The following HEBP2 variants were observed in gnomAD, a reference collection of about 807,000 sequenced individuals.
HEBP2 encodes heme binding protein 2, also known as heme-binding protein 2.
Under a neutral mutation model 23.1 loss-of-function variants are expected in HEBP2, and 27 were observed. The ratio of observed to expected loss-of-function variants is 1.17; its 90% CI spans 0.86 to 1.61. The LOEUF (loss-of-function observed/expected upper bound fraction) is 1.61, where lower values mean the gene tolerates loss of function less well. Among genes scored for constraint, HEBP2 ranks in the 40% most tolerant of loss-of-function variants. The pLI, the probability that HEBP2 is intolerant of heterozygous loss-of-function variation, is 0.00. For synonymous variants in HEBP2, 99 were observed against 95.1 expected (o/e 1.04, Z -0.24); for missense variants, 245 against 253.8 (o/e 0.97, Z 0.24).
At chr6:138,404,813 G>T (rs560437980) in intron 1 of HEBP2, among the ~76,000 whole-genome samples, 86 of 152,296 alleles carry the variant, frequency 5.6e-4, no homozygotes, top group Non-Finnish European at 9.9e-4. Context: ...GTCTTTGCGG[G>T]GTGGTGGGGC....
At position 138,417,930 on chromosome 6, in the gene HEBP2, C is replaced by T. The variant is rs928890575; in HGVS notation, c.*4852C>T. The T allele has an allele frequency of 6.6e-6, 1 of 152,146 alleles. No individual in the cohort carries two copies. Among genetic ancestry groups the T allele is most frequent in the African/African-American group, 2.4e-5 (1 of 41,420 alleles). The allele number at this position is 152,146 out of a possible 1,614,324, so 9.4% of individuals were successfully genotyped here. On this transcript the variant is annotated 3_prime_UTR_variant, in exon 4 of 4. Coordinates refer to ENST00000607197, the MANE Select transcript of HEBP2 (RefSeq NM_014320.3). ...GGTGGAGTCCTCCAACAGGTGTTGC[C>T]TTAGTACTGAGGTCAAATTGTCCCT...
At position 138,419,367 on chromosome 6, in the gene HEBP2, C is replaced by A. The variant is rs1383369897; in HGVS notation, c.*6289C>A. ...TAGAAGCACCAGCAGTTTATTCACA[C>A]AAGGACAGACTTCCTATTCTAGGTA... On this transcript the variant is annotated 3_prime_UTR_variant, in exon 4 of 4. Transcript: ENST00000607197. 2 of 152,250 alleles carry A rather than the reference C, an allele frequency of 1.3e-5. No individual in the cohort carries two copies. The highest frequency in any genetic ancestry group is 2.9e-5 in the Non-Finnish European group (2 of 68,052). The allele number at this position is 152,250 out of a possible 1,614,324, so 9.4% of individuals were successfully genotyped here. A position where few individuals can be genotyped will look rare whatever the true frequency, so the allele number is the denominator to read the frequency against.
rs985634745 is a variant in HEBP2, at chr6:138,419,399, T to G, written c.*6321T>G. On this transcript the variant is annotated 3_prime_UTR_variant, in exon 4 of 4. Coordinates refer to ENST00000607197, the MANE Select transcript of HEBP2 (RefSeq NM_014320.3). ...AGACTTCCTATTCTAGGTATGTGGT[T>G]CCTTTCGGGCCTACAGGGTCCTGAA... The G allele has an allele frequency of 1.3e-5, 2 of 152,232 alleles. No homozygotes were observed. Among genetic ancestry groups the G allele is most frequent in the African/African-American group, 4.8e-5 (2 of 41,470 alleles). The allele number at this position is 152,232 out of a possible 1,614,324, so 9.4% of individuals were successfully genotyped here.
At chr6:138,412,671 C>G (rs1360535727) in intron 3 of HEBP2, among the ~76,000 whole-genome samples, 1 of 152,182 alleles carries the variant, frequency 6.6e-6, no homozygotes, top group Non-Finnish European at 1.5e-5. Flanking sequence ...CCAGGCTGGT[C>G]TTGAACTCCT....
chr6:138,404,204 G>A (rs1774588421), upstream of HEBP2: 1 of 291,844 alleles, frequency 3.4e-6, no homozygotes, highest in Non-Finnish European at 6.3e-6. Flanking sequence ...AAGAAGGCGG[G>A]CCGAAGCGAG....
At chr6:138,403,635 C>G (rs755126980), upstream of HEBP2, 12 of 433,784 alleles carry the variant, frequency 2.8e-5, no homozygotes, top group Non-Finnish European at 4.9e-5. Context: ...CGGAGTCGGC[C>G]TGGCCGGCGG....
In HEBP2 at chr6:138,413,229, G is replaced by A. The variant is rs1774783049; in HGVS notation, c.*151G>A. 4 of 632,986 alleles carry A rather than the reference G, an allele frequency of 6.3e-6. No homozygotes were observed. The highest frequency in any genetic ancestry group is 1.1e-5 in the Non-Finnish European group (4 of 362,960). The allele number at this position is 632,986 out of a possible 1,614,324, so 39.2% of individuals were successfully genotyped here. A position where few individuals can be genotyped will look rare whatever the true frequency, so the allele number is the denominator to read the frequency against. ...TTTCCAATGTGCCTTTTTAATGCTTGAAGTTTTATCTACATACACAGGTAA... is the reference window on the plus strand; with the variant it reads ...TTTCCAATGTGCCTTTTTAATGCTTAAAGTTTTATCTACATACACAGGTAA... On this transcript the variant is annotated 3_prime_UTR_variant, in exon 4 of 4. Transcript: ENST00000607197.
chr6:138,412,991 A>G lies in HEBP2; in HGVS notation c.531A>G (p.Ala177=), dbSNP rs1043820431. The change falls in exon 4 of 4, where the codon GCA becomes GCG. Residue 177 remains alanine, a synonymous_variant. Transcript: ENST00000607197. ...KVFDEKVYYT[A]GYNSPVKLLN... ...TCGATGAGAAGGTTTACTACACTGC[A>G]GGCTACAACAGTCCTGTCAAATTGC... 1.9e-6 allele frequency: 3 copies of G among 1,614,052 alleles called. No homozygotes were observed. Among genetic ancestry groups the G allele is most frequent in the South Asian group, 1.1e-5 (1 of 91,082 alleles).
In HEBP2 at chr6:138,404,386, T is replaced by C; in HGVS notation, c.-110T>C. ...CCCGGCCGGGAGGAGGGACCGGGTC[T>C]GCGGAGCGGGGACTCGGGGCCTCGG... On this transcript the variant is annotated 5_prime_UTR_variant, in exon 1 of 4. Transcript: ENST00000607197. The C allele has an allele frequency of 1.5e-6, 1 of 666,250 alleles. No homozygotes were observed. Among genetic ancestry groups the C allele is most frequent in the Non-Finnish European group, 2.1e-6 (1 of 483,216 alleles). The allele number at this position is 666,250 out of a possible 1,614,324, so 41.3% of individuals were successfully genotyped here. A position where few individuals can be genotyped will look rare whatever the true frequency, so the allele number is the denominator to read the frequency against.
Position 138,420,387 on chromosome 6 carries a change from G to A in HEBP2, c.*7309G>A, listed in dbSNP as rs2128183632. On this transcript the variant is annotated 3_prime_UTR_variant, in exon 4 of 4. Transcript: ENST00000607197. Reference sequence around the variant, plus strand: ...GCCCTGAAACAGTCACTCTCTGCGTGTTTTTGGGAAAATGGATCCACATAG... The same window carrying A: ...GCCCTGAAACAGTCACTCTCTGCGTATTTTTGGGAAAATGGATCCACATAG... The A allele has an allele frequency of 6.6e-6, 1 of 152,306 alleles. No homozygotes were observed. The highest frequency in any genetic ancestry group is 2.1e-4 in the South Asian group (1 of 4,824). The allele number at this position is 152,306 out of a possible 1,614,324, so 9.4% of individuals were successfully genotyped here.
In HEBP2 at chr6:138,404,524, G is replaced by T. The variant is rs1774600911; in HGVS notation, c.29G>T (p.Gly10Val). The T allele has an allele frequency of 7.6e-7, 1 of 1,315,298 alleles. No homozygotes were observed. The highest frequency in any genetic ancestry group is 2.9e-4 in the Middle Eastern group (1 of 3,486). The allele number at this position is 1,315,298 out of a possible 1,614,324, so 81.5% of individuals were successfully genotyped here. A position where few individuals can be genotyped will look rare whatever the true frequency, so the allele number is the denominator to read the frequency against. ...GCCGAGCCGCTCCAGCCAGACCCCGGGGCGGCCGAGGACGCGGCGGCCCAA... is the reference window on the plus strand; with the variant it reads ...GCCGAGCCGCTCCAGCCAGACCCCGTGGCGGCCGAGGACGCGGCGGCCCAA... Reference protein sequence around the residue: MAEPLQPDPGAAEDAAAQAV... With the variant: MAEPLQPDPVAAEDAAAQAV... Residue 10 changes from glycine to valine, a missense_variant, in exon 1 of 4, where the codon GGG (glycine) becomes GTG (valine). By Grantham distance (109) the Gly-to-Val change is moderately radical. Coordinates refer to ENST00000607197, the MANE Select transcript of HEBP2 (RefSeq NM_014320.3).
At position 138,419,836 on chromosome 6, in the gene HEBP2, C is replaced by G. The variant is rs1182306226; in HGVS notation, c.*6758C>G. 6.6e-6 allele frequency: 1 copy of G among 152,194 alleles called. No homozygotes were observed. The highest frequency in any genetic ancestry group is 2.4e-5 in the African/African-American group (1 of 41,444). The allele number at this position is 152,194 out of a possible 1,614,324, so 9.4% of individuals were successfully genotyped here. On this transcript the variant is annotated 3_prime_UTR_variant, in exon 4 of 4. Coordinates refer to ENST00000607197, the MANE Select transcript of HEBP2 (RefSeq NM_014320.3). Reference sequence around the variant, plus strand: ...CTCCAGGTTCTACAGCATCAGAAGTCCTAGTTCTCAGAGACTGTATACCTT... The same window carrying G: ...CTCCAGGTTCTACAGCATCAGAAGTGCTAGTTCTCAGAGACTGTATACCTT...
At chr6:138,403,968 G>A (rs538088283), upstream of HEBP2, among the ~76,000 whole-genome samples, 74 of 152,178 alleles carry the variant, frequency 4.9e-4, no homozygotes, top group Middle Eastern at 6.8e-3. Context: ...GGCAGGGGCC[G>A]CGGGGGTCGG....
At chr6:138,412,748 C>T (rs1774769090) in intron 3 of HEBP2, 132 bp from the exon 4 acceptor site, 1 of 748,814 alleles carries the variant, frequency 1.3e-6, no homozygotes. Context: ...GCCACCTCGC[C>T]TGGCCGAGAG....
intron 3 of HEBP2, among the ~76,000 whole-genome samples, chr6:138,410,414 C>T (rs1774724238): frequency 6.6e-6 from 1 of 151,232 alleles, no homozygotes; most frequent in South Asian, 2.1e-4. Context: ...TTAGGCAGAA[C>T]ATGCTAAGCA....
chr6:138,411,280 T>C (rs1432088814), intron 3 of HEBP2, among the ~76,000 whole-genome samples: 1 of 152,238 alleles, frequency 6.6e-6, no homozygotes. Flanking sequence ...TTTAATCTTT[T>C]GACTGTCTTT....
Position 138,412,887 on chromosome 6 carries a change from G to A in HEBP2, c.427G>A (p.Asp143Asn), listed in dbSNP as rs118046755. 6,290 of 1,613,006 alleles carry A rather than the reference G, an allele frequency of 3.9e-3. 21 individuals are homozygous for A. Among genetic ancestry groups the A allele is most frequent in the Non-Finnish European group, 4.6e-3 (5,388 of 1,179,144 alleles). ...AEMTVFVRSF[D>N]GFSSAQKNQE... Reference sequence around the variant, plus strand: ...TTCCTTTCTCCTTTGTAGGTCTTTCGATGGATTTTCTAGTGCCCAAAAGAA... The same window carrying A: ...TTCCTTTCTCCTTTGTAGGTCTTTCAATGGATTTTCTAGTGCCCAAAAGAA... The change falls in exon 4 of 4, where the codon GAT becomes AAT. Residue 143 changes from aspartate to asparagine, a missense_variant. Transcript: ENST00000607197.
upstream of HEBP2, among the ~76,000 whole-genome samples, chr6:138,403,912 T>G (rs1302818777): frequency 6.6e-6 from 1 of 152,176 alleles, no homozygotes; most frequent in Non-Finnish European, 1.5e-5. Context: ...GGACAACTTC[T>G]TGGGATGAGT....
rs1471182839 is a variant in HEBP2 at position 138,404,370 on chromosome 6, G to C, written c.-126G>C. On this transcript the variant is annotated 5_prime_UTR_variant, in exon 1 of 4. Coordinates refer to ENST00000607197, the MANE Select transcript of HEBP2 (RefSeq NM_014320.3). ...GGGCTCGGGTCTCCAGCCCGGCCGG[G>C]AGGAGGGACCGGGTCTGCGGAGCGG... The C allele has an allele frequency of 9.1e-6, 5 of 550,272 alleles. No homozygotes were observed. Among genetic ancestry groups the C allele is most frequent in the Non-Finnish European group, 1.3e-5 (5 of 378,384 alleles). The allele number at this position is 550,272 out of a possible 1,614,324, so 34.1% of individuals were successfully genotyped here.
Sources: gnomAD v4.1 joint callset for allele counts (sites outside exome capture counted in the v4.1 genomes callset) on GRCh38, gnomAD v4.1.1 for gene constraint, MANE v1.5 for transcripts, NCBI Gene and HGNC (gene_info 2026-07-23, HGNC 2026-07-21) for gene names.